DAB1: variants seen among roughly 807,000 people sequenced by gnomAD.
DAB1 encodes the protein disabled homolog 1.
Under a neutral mutation model 64.6 loss-of-function variants are expected in DAB1, and 15 were observed. The ratio of observed to expected loss-of-function variants is 0.23; its 90% CI spans 0.16 to 0.36. The LOEUF (loss-of-function observed/expected upper bound fraction) is 0.36, where lower values mean the gene tolerates loss of function less well. Ranked by LOEUF, DAB1 falls within the 10% of genes least tolerant of loss-of-function variation. The probability of loss-of-function intolerance (pLI) is 1.00; values close to 1 mark genes in which losing one functional copy is unlikely to be tolerated. For missense variants in DAB1, 596 were observed against 706.7 expected (o/e 0.84, Z 1.78); for synonymous variants, 235 against 251.9 (o/e 0.93, Z 0.64).
At chr1:57,229,398 T>C (rs1667507548) in intron 2 of DAB1, among the ~76,000 whole-genome samples, 2 of 152,016 alleles carry the variant, frequency 1.3e-5, no homozygotes, top group African/African-American at 4.8e-5. Flanking sequence ...TTTTACTATG[T>C]TGCTCAGGCT....
chr1:57,134,510 C>A (rs1222064217), intron 4 of DAB1, among the ~76,000 whole-genome samples: 1 of 113,466 alleles, frequency 8.8e-6, no homozygotes, highest in Non-Finnish European at 2.0e-5. Flanking sequence ...ATTACTTGAA[C>A]CTGGGAGGCG....
intron 7 of DAB1, among the ~76,000 whole-genome samples, chr1:57,519,868 T>C (rs1449381450): frequency 6.6e-6 from 1 of 152,216 alleles, no homozygotes; most frequent in Non-Finnish European, 1.5e-5. Flanking sequence ...GTAAAAGTAA[T>C]ATATGCTCAT....
At chr1:57,209,502 T>A (rs1665843095) in intron 2 of DAB1, among the ~76,000 whole-genome samples, 1 of 152,190 alleles carries the variant, frequency 6.6e-6, no homozygotes, top group South Asian at 2.1e-4. Context: ...GCCCTTTACC[T>A]AATCACAAGA....
chr1:57,273,833 G>A (rs1177052303), intron 2 of DAB1, among the ~76,000 whole-genome samples: 2 of 151,978 alleles, frequency 1.3e-5, no homozygotes, highest in Non-Finnish European at 2.9e-5. Context: ...ATGGAGCCTA[G>A]TGAGTCGAGA....
At chr1:58,490,710 C>G (rs919700570) in intron 3 of DAB1, among the ~76,000 whole-genome samples, 11 of 145,488 alleles carry the variant, frequency 7.6e-5, no homozygotes, top group Non-Finnish European at 1.6e-4. Flanking sequence ...GGGTTACCCA[C>G]AAAGGGAAGC....
chr1:57,233,882 C>A (rs1422290436), intron 2 of DAB1, among the ~76,000 whole-genome samples: 1 of 152,068 alleles, frequency 6.6e-6, no homozygotes, highest in African/African-American at 2.4e-5. Flanking sequence ...GCACTGGGAG[C>A]TGATTCATAA....
chr1:58,112,223 TG>T (rs1186304802), intron 5 of DAB1, among the ~76,000 whole-genome samples: 3 of 152,224 alleles, frequency 2.0e-5, no homozygotes, highest in African/African-American at 4.8e-5. Flanking sequence ...TCATTCCAGT[TG>T]GAAAGTATTT....
intron 4 of DAB1, among the ~76,000 whole-genome samples, chr1:58,303,786 A>T (rs1273180317): frequency 6.6e-6 from 1 of 152,172 alleles, no homozygotes; most frequent in African/African-American, 2.4e-5. Context: ...ATTTAATTAC[A>T]CTGTAAATGT....
intron 1 of DAB1, among the ~76,000 whole-genome samples, chr1:57,856,025 C>T (rs1001121914): frequency 6.6e-6 from 1 of 152,050 alleles, no homozygotes; most frequent in African/African-American, 2.4e-5. Flanking sequence ...GATAAATATA[C>T]GATGTGAAAG....
chr1:57,784,444 CAGCCA>C (rs1287649045), intron 6 of DAB1, among the ~76,000 whole-genome samples: 1 of 152,062 alleles, frequency 6.6e-6, no homozygotes, highest in African/African-American at 2.4e-5. Context: ...TTGTACTAAA[CAGCCA>C]AGTTATACAT....
At chr1:58,475,750 T>C (rs569712400) in intron 3 of DAB1, among the ~76,000 whole-genome samples, 2 of 152,328 alleles carry the variant, frequency 1.3e-5, no homozygotes, top group African/African-American at 4.8e-5. Context: ...TTTAAACCCA[T>C]AATAATTCTG....
chr1:57,402,341 T>C (rs966310386), intron 1 of DAB1, among the ~76,000 whole-genome samples: 2 of 152,148 alleles, frequency 1.3e-5, no homozygotes, highest in East Asian at 1.9e-4. Context: ...AATCAGAAAA[T>C]TGGAATATTA....
Position 57,656,236 on chromosome 1 carries a change from G to A in DAB1, n.552-6571C>T, listed in dbSNP as rs570678570. On this transcript the variant is annotated intron_variant and non_coding_transcript_variant, in intron 6 of 20. Transcript: ENST00000485760. ...TCCAGAACTGTGAGAGGTAAGTGCT[G>A]TTGTTTAAGCCATGATATTCTGTTC... 7.9e-4 allele frequency among the ~76,000 whole-genome samples: 120 copies of A among 152,296 alleles called. 2 individuals carry two copies. Among genetic ancestry groups the A allele is most frequent in the African/African-American group, 2.8e-3 (115 of 41,572 alleles).
At chr1:57,648,304 G>A (rs987466265) in intron 7 of DAB1, among the ~76,000 whole-genome samples, 8 of 152,078 alleles carry the variant, frequency 5.3e-5, no homozygotes, top group Admixed American at 3.9e-4. Context: ...AGGAGGAGGC[G>A]AGTGTCCCCC....
chr1:57,365,268 T>C (rs1360138661), intron 1 of DAB1, among the ~76,000 whole-genome samples: 5 of 141,406 alleles, frequency 3.5e-5, no homozygotes, highest in African/African-American at 1.0e-4. Flanking sequence ...ATAAAGAATA[T>C]ATATAAATAT....
At chr1:57,794,379 T>A (rs1196194792) in intron 6 of DAB1, among the ~76,000 whole-genome samples, 4 of 152,224 alleles carry the variant, frequency 2.6e-5, no homozygotes, top group Non-Finnish European at 5.9e-5. Flanking sequence ...CTCCAACACA[T>A]CCTTCAGTTT....
At chr1:57,424,735 C>T (rs1685203903), upstream of DAB1, among the ~76,000 whole-genome samples, 1 of 152,206 alleles carries the variant, frequency 6.6e-6, no homozygotes, top group Non-Finnish European at 1.5e-5. Flanking sequence ...AGTGCAGGTT[C>T]GGCGGCTCCT....
At chr1:57,252,972 C>A (rs1379333395) in intron 2 of DAB1, among the ~76,000 whole-genome samples, 2 of 152,134 alleles carry the variant, frequency 1.3e-5, no homozygotes, top group Non-Finnish European at 2.9e-5. Flanking sequence ...GAGAAAGAGG[C>A]CAGCAGTCCA....
chr1:57,923,703 A>G (rs1400784336), intron 5 of DAB1, among the ~76,000 whole-genome samples: 1 of 152,210 alleles, frequency 6.6e-6, no homozygotes, highest in African/African-American at 2.4e-5. Flanking sequence ...TCGTGGATAT[A>G]ACAGGGCTGA....
Sources: allele counts gnomAD v4.1 joint callset (sites outside exome capture counted in the v4.1 genomes callset), GRCh38; gene constraint gnomAD v4.1.1; transcripts MANE v1.5; gene names NCBI Gene and HGNC (gene_info 2026-07-23, HGNC 2026-07-21).